PSG5: variants seen among roughly 807,000 people sequenced by gnomAD.
PSG5 encodes the protein pregnancy-specific beta-1-glycoprotein 5.
In PSG5, 53 loss-of-function variants were observed where a neutral mutation model predicts 37.7. The observed-to-expected ratio is 1.41, with a 90% confidence interval of 1.13 to 1.77. The LOEUF (loss-of-function observed/expected upper bound fraction) is 1.77, where lower values mean the gene tolerates loss of function less well. Among genes scored for constraint, PSG5 ranks in the 40% most tolerant of loss-of-function variants. The pLI, the probability that PSG5 is intolerant of heterozygous loss-of-function variation, is 0.00. For synonymous variants in PSG5, 221 were observed against 155.4 expected (o/e 1.42, Z -3.14); for missense variants, 547 against 405.2 (o/e 1.35, Z -3.00).
At position 43,175,989 on chromosome 19, in the gene PSG5, A is replaced by C; in HGVS notation, c.590T>G (p.Ile197Ser). The C allele has an allele frequency of 6.2e-7, 1 of 1,611,576 alleles. No individual in the cohort carries two copies. Residue 197 changes from isoleucine (I) to serine (S), a missense_variant, in exon 3 of 6, where the codon ATT (isoleucine) becomes AGT (serine). Physicochemically the swap from Ile to Ser is moderately radical, Grantham distance 142. Transcript: ENST00000342951. ...GGGTAGAATGAGGATCCTGTTTTCA[A>C]TGGGTCGCTTTACCCTGGGACTGAC... ...LPVSPRVKRP[I>S]ENRILILPSV...
chr19:43,174,927 C>G lies in PSG5; in HGVS notation c.964+288G>C, dbSNP rs539106730. On this transcript the variant is annotated intron_variant, in intron 4 of 5. Coordinates refer to ENST00000342951, the MANE Select transcript of PSG5 (RefSeq NM_002781.4). ...GAGAAGCAACTTGATCTTGAGGACT[C>G]TCCTTCTCATCCCTCTGTGAAGCCT... 1.7e-5 allele frequency: 22 copies of G among 1,279,394 alleles called. No homozygotes were observed. The African/African-American group carries it at 3.0e-4, about 18-fold the overall frequency. The allele number at this position is 1,279,394 out of a possible 1,614,324, so 79.3% of individuals were successfully genotyped here.
chr19:43,178,427 C>T (rs998665608), intron 2 of PSG5, among the ~76,000 whole-genome samples: 4 of 151,704 alleles, frequency 2.6e-5, no homozygotes, highest in Non-Finnish European at 4.4e-5. Flanking sequence ...GGGGACTTCC[C>T]CTGTATGGTA....
chr19:43,170,361 G>A, intron 4 of PSG5: 1 of 611,466 alleles, frequency 1.6e-6, no homozygotes, highest in South Asian at 2.0e-5. Flanking sequence ...AATCTCTACT[G>A]CACTCAGATA....
chr19:43,174,676 C>T, intron 4 of PSG5: 2 of 978,946 alleles, frequency 2.0e-6, no homozygotes, highest in East Asian at 8.2e-5. Flanking sequence ...TTTCTCCACA[C>T]ATGCTGGTCC....
At chr19:43,176,657 G>A (rs1033942621) in intron 2 of PSG5, among the ~76,000 whole-genome samples, 4 of 151,194 alleles carry the variant, frequency 2.6e-5, no homozygotes, top group Admixed American at 2.0e-4. Flanking sequence ...GGGACTGGAT[G>A]TTTCAGCAGA....
intron 1 of PSG5, 97 bp from the exon 2 acceptor site, chr19:43,185,244 C>G: frequency 2.2e-6 from 3 of 1,390,950 alleles, no homozygotes; most frequent in Admixed American, 2.3e-5. Flanking sequence ...CAATCCTCAG[C>G]CTTGAAGACA....
At chr19:43,174,015 A>G in intron 4 of PSG5, 1 of 151,794 alleles carries the variant, frequency 6.6e-6, no homozygotes, top group Admixed American at 6.6e-5. Flanking sequence ...ATCTACAATT[A>G]AAATGTTATT....
At chr19:43,173,138 C>T (rs1968938257) in intron 4 of PSG5, among the ~76,000 whole-genome samples, 1 of 151,624 alleles carries the variant, frequency 6.6e-6, no homozygotes, top group Non-Finnish European at 1.5e-5. Context: ...ACAGTGTTCT[C>T]ACCAAATGAT....
At chr19:43,176,180 T>G (rs1969007912) in intron 2 of PSG5, 32 bp from the exon 3 acceptor site, 1 of 1,606,182 alleles carries the variant, frequency 6.2e-7, no homozygotes, top group East Asian at 2.2e-5. Context: ...GATTGTCCTG[T>G]GTGGCACCTT....
rs199962014 is a variant in PSG5, at chr19:43,185,096, T to G, written c.116A>C (p.Glu39Ala). 4 of 1,611,544 alleles carry G rather than the reference T, an allele frequency of 2.5e-6. No individual in the cohort carries two copies. The Admixed American group carries it at 6.7e-5, about 27-fold the overall frequency. ...CTCGGAAACTTTGGGTGGCAGGGCT[T>G]CAATCGTGACTTGAGCAGTGATAGG... ...NLPITAQVTIEALPPKVSEGK... is the reference protein window; with the variant it reads ...NLPITAQVTIAALPPKVSEGK... Residue 39 changes from glutamate to alanine, a missense_variant, in exon 2 of 6, where the codon GAA (glutamate) becomes GCA (alanine). Transcript: ENST00000342951.
Position 43,185,117 on chromosome 19 carries a change from A to G in PSG5, c.95T>C (p.Ile32Thr), listed in dbSNP as rs762085811. The change falls in exon 2 of 6, where the codon ATC becomes ACC. Residue 32 changes from isoleucine to threonine, a missense_variant. Physicochemically the swap from Ile to Thr is moderately conservative, Grantham distance 89. Transcript: ENST00000342951. Reference sequence around the variant, plus strand: ...GGCTTCAATCGTGACTTGAGCAGTGATAGGCAGGTTCCAGAAGTTTAAAAG... The same window carrying G: ...GGCTTCAATCGTGACTTGAGCAGTGGTAGGCAGGTTCCAGAAGTTTAAAAG... ...ASLLNFWNLP[I>T]TAQVTIEALP... The G allele has an allele frequency of 5.6e-6, 9 of 1,609,742 alleles. No homozygotes were observed. The East Asian group carries it at 1.6e-4, about 28-fold the overall frequency.
intron 1 of PSG5, 132 bp from the exon 2 acceptor site, chr19:43,185,279 C>G: frequency 8.0e-7 from 1 of 1,256,456 alleles, no homozygotes; most frequent in Non-Finnish European, 1.1e-6. Flanking sequence ...CACACACACA[C>G]ACAAAAGGTG....
At chr19:43,179,039 A>G (rs780432743) in intron 2 of PSG5, 1 of 1,612,744 alleles carries the variant, frequency 6.2e-7, no homozygotes, top group Non-Finnish European at 8.5e-7. Flanking sequence ...GGCTCTGACC[A>G]TTCATCCACC....
intron 2 of PSG5, among the ~76,000 whole-genome samples, chr19:43,182,601 A>C (rs891707978): frequency 9.3e-5 from 14 of 150,078 alleles, no homozygotes; most frequent in African/African-American, 3.5e-4. Context: ...CTAACCCCTG[A>C]TCCACTGGGG....
rs577870915 is a variant in PSG5 at position 43,180,908 on chromosome 19, T to C, written c.430+3874A>G. ...GTGATGTGTGTTATGTTAGTAAATATAGAAAGAACTCCCTGCTTCTAATTT... is the reference window on the plus strand; with the variant it reads ...GTGATGTGTGTTATGTTAGTAAATACAGAAAGAACTCCCTGCTTCTAATTT... On this transcript the variant is annotated intron_variant, in intron 2 of 5. Transcript: ENST00000342951. 7.6e-4 allele frequency among the ~76,000 whole-genome samples: 116 copies of C among 151,670 alleles called. 4 individuals carry two copies. The highest frequency in any genetic ancestry group is 2.7e-3 in the African/African-American group (113 of 41,222).
chr19:43,170,331 T>G, intron 4 of PSG5, 193 bp from the exon 5 acceptor site: 1 of 673,170 alleles, frequency 1.5e-6, no homozygotes, highest in Non-Finnish European at 2.2e-6. Flanking sequence ...GTTTCTAGGA[T>G]GGTGATCAGT....
At chr19:43,178,730 T>G (rs138345338) in intron 2 of PSG5, 170,963 of 1,524,076 alleles carry the variant, frequency 0.11, 12,251 homozygotes, top group East Asian at 0.39. Context: ...GCCTACTCTG[T>G]TTTGCCTGGG....
In PSG5 at chr19:43,186,511, C is replaced by G; in HGVS notation, c.-106G>C. The G allele has an allele frequency of 6.5e-7, 1 of 1,545,698 alleles. No homozygotes were observed. Among genetic ancestry groups the G allele is most frequent in the South Asian group, 1.2e-5 (1 of 82,832 alleles). The stretch of plus-strand genomic sequence containing the variant: ...TGTCCTTCCTCCTTCTGTGCTGAGC[C>G]TCTCTCCAGGGCAGGAGCACTTCTC... On this transcript the variant is annotated 5_prime_UTR_variant, in exon 1 of 6. Coordinates refer to ENST00000342951, the MANE Select transcript of PSG5 (RefSeq NM_002781.4).
chr19:43,185,027 A>G lies in PSG5; in HGVS notation c.185T>C (p.Leu62Pro), dbSNP rs1265438091. Residue 62 changes from leucine (L) to proline (P), a missense_variant, in exon 2 of 6, where the codon CTT (leucine) becomes CCT (proline). Physicochemically the swap from Leu to Pro is moderately conservative, Grantham distance 98. Transcript: ENST00000342951. ...LLLVHNLPQN[L>P]AGYIWYKGQL... Reference sequence around the variant, plus strand: ...TCCTTTGTACCAGATGTAGCCAGCAAGATTCTGAGGCAAATTGTGGACAAG... The same window carrying G: ...TCCTTTGTACCAGATGTAGCCAGCAGGATTCTGAGGCAAATTGTGGACAAG... The G allele has an allele frequency of 6.2e-7, 1 of 1,612,552 alleles. No individual in the cohort carries two copies. The highest frequency in any genetic ancestry group is 1.3e-5 in the African/African-American group (1 of 74,540).
Sources: allele counts gnomAD v4.1 joint callset (sites outside exome capture counted in the v4.1 genomes callset), GRCh38; gene constraint gnomAD v4.1.1; transcripts MANE v1.5; gene names NCBI Gene and HGNC (gene_info 2026-07-23, HGNC 2026-07-21).